The following GPM6B variants were observed in gnomAD, a reference collection of about 807,000 sequenced individuals.
The protein encoded by GPM6B is neuronal membrane glycoprotein M6-b.
GPM6B carries 4 observed loss-of-function variants against 27.2 expected under a neutral mutation model. That is an observed-to-expected ratio of 0.15 (90% CI 0.07 to 0.34). The LOEUF (loss-of-function observed/expected upper bound fraction) is 0.34. Among genes scored for constraint, GPM6B ranks in the 10% least tolerant of loss-of-function variants. The pLI, the probability that GPM6B is intolerant of heterozygous loss-of-function variation, is 1.00. For missense variants in GPM6B, 183 were observed against 261.9 expected (o/e 0.70, Z 2.08); for synonymous variants, 124 against 103.1 (o/e 1.20, Z -1.23).
intron 7 of GPM6B, chrX:13,774,685 A>G: frequency 1.1e-6 from 1 of 912,836 alleles, no homozygotes; most frequent in Non-Finnish European, 1.6e-6. Flanking sequence ...ATGCCATGAC[A>G]CTTCTAAACT....
intron 1 of GPM6B, among the ~76,000 whole-genome samples, chrX:13,932,394 C>T (rs994536083): frequency 1.8e-5 from 2 of 112,375 alleles, no homozygotes; most frequent in African/African-American, 6.5e-5. Flanking sequence ...CCGCTTTTTT[C>T]CTCAGACAGA....
rs955139602 is a variant in GPM6B at position 13,871,081 on chromosome X, A to AAAC, written c.-198+67243_-198+67245dup. Among the ~76,000 whole-genome samples, 3 of 33,472 alleles carry AAAC rather than the reference A, an allele frequency of 9.0e-5. No homozygotes were observed. The Admixed American group carries it at 1.0e-3, about 11-fold the overall frequency. 29.1% of individuals were successfully genotyped at this position (33,472 alleles called of 115,157 possible). On this transcript the variant is annotated intron_variant, in intron 1 of 6. Transcript: ENST00000398361. ...GACCCTATCTCTAAAACAAAAACAA[A>AAAC]AACAAAACAAAACAAAACAAAACAA...
intron 1 of GPM6B, among the ~76,000 whole-genome samples, chrX:13,872,455 C>T (rs1314985127): frequency 1.8e-5 from 2 of 111,007 alleles, no homozygotes; most frequent in African/African-American, 6.6e-5. Flanking sequence ...CAGGCGTGAG[C>T]CACCATGCCA....
rs905298844 is a variant in GPM6B at position 13,774,981 on chromosome X, C to CTGT, written c.837+1254_837+1256dup. Among the ~76,000 whole-genome samples, 6 of 111,988 alleles carry CTGT rather than the reference C, an allele frequency of 5.4e-5. No individual in the cohort carries two copies. The Admixed American group carries it at 5.7e-4, about 11-fold the overall frequency. On this transcript the variant is annotated intron_variant, in intron 7 of 7. Coordinates refer to ENST00000316715, the MANE Select transcript of GPM6B (RefSeq NM_001001995.3). ...AGCAGCAGGCAGTTATCTTTCCTCCCTGTTGCTCAACCAAAAGAACAGGTC... is the reference window on the plus strand; with the variant it reads ...AGCAGCAGGCAGTTATCTTTCCTCCCTGTTGTTGCTCAACCAAAAGAACAGGTC...
chrX:13,892,043 G>C (rs16979347), intron 1 of GPM6B, among the ~76,000 whole-genome samples: 25,552 of 110,610 alleles, frequency 0.23, 2,570 homozygotes, highest in African/African-American at 0.37. Flanking sequence ...GCTGGGCTCG[G>C]CTCTAGACCT....
chrX:13,780,814 G>A (rs1602977485), intron 4 of GPM6B: 1 of 180,213 alleles, frequency 5.5e-6, no homozygotes, highest in South Asian at 6.7e-5. Context: ...CTCAGAAGGC[G>A]CGCCCACAGA....
chrX:13,924,595 C>T (rs1343103884), intron 1 of GPM6B, among the ~76,000 whole-genome samples: 1 of 112,070 alleles, frequency 8.9e-6, no homozygotes, highest in Non-Finnish European at 1.9e-5. Flanking sequence ...GCCTCCATGC[C>T]CGGCCACAAC....
At position 13,878,375 on chromosome X, in the gene GPM6B, G is replaced by C. The variant is rs138538923; in HGVS notation, c.-198+59952C>G. The stretch of plus-strand genomic sequence containing the variant: ...GTGGGGGAAGGGGTACCAAAGAACA[G>C]AGCAGAGGGGTCTGGGAGTGAGAAG... On this transcript the variant is annotated intron_variant, in intron 1 of 6. Coordinates refer to the GPM6B transcript ENST00000398361. Among the ~76,000 whole-genome samples, 525 of 110,366 alleles carry C rather than the reference G, an allele frequency of 4.8e-3. 5 individuals are homozygous for C. Among genetic ancestry groups the C allele is most frequent in the African/African-American group, 0.017 (506 of 30,295 alleles).
At position 13,794,103 on chromosome X, in the gene GPM6B, T is replaced by C. The variant is rs182846062; in HGVS notation, c.182-8295A>G. On this transcript the variant is annotated intron_variant, in intron 2 of 7. Coordinates refer to ENST00000316715, the MANE Select transcript of GPM6B (RefSeq NM_001001995.3). ...AGCTACAAAGGCAGGGTTGAGTTGT[T>C]GCCACAGGTATTTACTATGTGGCCC... 1.7e-3 allele frequency among the ~76,000 whole-genome samples: 193 copies of C among 111,781 alleles called. 1 individual carries two copies. Among genetic ancestry groups the C allele is most frequent in the African/African-American group, 6.0e-3 (185 of 30,816 alleles).
intron 1 of GPM6B, among the ~76,000 whole-genome samples, chrX:13,852,688 A>G (rs2049732097): frequency 1.8e-5 from 2 of 111,137 alleles, no homozygotes; most frequent in Non-Finnish European, 3.8e-5. Context: ...GTACCCTCAG[A>G]GACTCAGCAG....
chrX:13,809,504 G>T (rs187105088), intron 1 of GPM6B, among the ~76,000 whole-genome samples: 1 of 111,368 alleles, frequency 9.0e-6, no homozygotes, highest in African/African-American at 3.3e-5. Flanking sequence ...GGCTGGGTGC[G>T]GTGGCTCACA....
intron 1 of GPM6B, among the ~76,000 whole-genome samples, chrX:13,829,072 G>A (rs932380251): frequency 3.6e-5 from 4 of 111,634 alleles, no homozygotes; most frequent in African/African-American, 9.8e-5. Flanking sequence ...GTTGAACTCA[G>A]AGATTCCAGG....
At chrX:13,779,029 TC>T (rs1268263181) in intron 5 of GPM6B, among the ~76,000 whole-genome samples, 1 of 110,993 alleles carries the variant, frequency 9.0e-6, no homozygotes, top group Non-Finnish European at 1.9e-5. Context: ...TGAAAGCTAT[TC>T]CCCCCCACCC....
rs549740799 is a variant in GPM6B, at chrX:13,830,251, G to A, written c.-197-44443C>T. 3.1e-4 allele frequency among the ~76,000 whole-genome samples: 35 copies of A among 111,813 alleles called. No homozygotes were observed. The South Asian group carries it at 0.013, about 41-fold the overall frequency. On this transcript the variant is annotated intron_variant, in intron 1 of 6. Transcript: ENST00000398361. ...TTCCATCTATGACTAAGTAAGCACTGGTGTGAACAGTCCTAAAGGTCACAC... is the reference window on the plus strand; with the variant it reads ...TTCCATCTATGACTAAGTAAGCACTAGTGTGAACAGTCCTAAAGGTCACAC...
intron 1 of GPM6B, among the ~76,000 whole-genome samples, chrX:13,853,667 C>T (rs188925271): frequency 3.7e-5 from 4 of 106,817 alleles, no homozygotes; most frequent in African/African-American, 1.4e-4. Context: ...CTTCCTTATG[C>T]TCTCTCTTCC....
At chrX:13,816,154 A>C (rs941452816) in intron 1 of GPM6B, among the ~76,000 whole-genome samples, 1 of 111,832 alleles carries the variant, frequency 8.9e-6, no homozygotes, top group Non-Finnish European at 1.9e-5. Context: ...TTCTCCAAAA[A>C]ACCATTCTGT....
At chrX:13,800,838 G>C (rs993048823) in intron 2 of GPM6B, among the ~76,000 whole-genome samples, 2 of 110,046 alleles carry the variant, frequency 1.8e-5, no homozygotes, top group Non-Finnish European at 3.8e-5. Flanking sequence ...TGGGGACTGG[G>C]AATCTGATTT....
chrX:13,789,231 A>G (rs17215592), intron 2 of GPM6B, among the ~76,000 whole-genome samples: 40,348 of 110,436 alleles, frequency 0.37, 5,684 homozygotes, highest in Non-Finnish European at 0.45. Context: ...TAAATGGATC[A>G]CTCTCCACTG....
At chrX:13,791,926 A>C (rs1350553337) in intron 2 of GPM6B, among the ~76,000 whole-genome samples, 5 of 110,393 alleles carry the variant, frequency 4.5e-5, no homozygotes, top group Non-Finnish European at 7.6e-5. Flanking sequence ...CCCCCAACAA[A>C]CACCACACAA....
Sources: allele counts gnomAD v4.1 joint callset (sites outside exome capture counted in the v4.1 genomes callset), GRCh38; gene constraint gnomAD v4.1.1; transcripts MANE v1.5; gene names NCBI Gene and HGNC (gene_info 2026-07-23, HGNC 2026-07-21).